The following CNTNAP2 variants were observed in gnomAD, a reference collection of about 807,000 sequenced individuals.
CNTNAP2 encodes contactin associated protein 2, also known as contactin-associated protein-like 2.
CNTNAP2 carries 98 observed loss-of-function variants against 155.2 expected under a neutral mutation model. The observed-to-expected ratio is 0.63, with a 90% CI of 0.54 to 0.75. The LOEUF (loss-of-function observed/expected upper bound fraction) is 0.75. CNTNAP2 is among the 30% of genes least tolerant of loss of function. The probability of loss-of-function intolerance (pLI) is 0.00; values close to 1 mark genes in which losing one functional copy is unlikely to be tolerated. For synonymous variants in CNTNAP2, 651 were observed against 631.2 expected (o/e 1.03, Z -0.47); for missense variants, 1,727 against 1,688.1 (o/e 1.02, Z -0.40).
intron 10 of CNTNAP2, among the ~76,000 whole-genome samples, chr7:147,419,819 T>C (rs1030234977): frequency 6.6e-6 from 1 of 152,196 alleles, no homozygotes; most frequent in African/African-American, 2.4e-5. Context: ...GTCTGCAGGA[T>C]GTATTCAGAC....
intron 21 of CNTNAP2, among the ~76,000 whole-genome samples, chr7:148,317,353 C>CT (rs1040813030): frequency 7.3e-6 from 1 of 137,696 alleles, no homozygotes; most frequent in South Asian, 2.4e-4. Context: ...GAAACTCCAT[C>CT]TCAAAAAAAA....
chr7:147,507,843 G>A (rs967278445), intron 11 of CNTNAP2, among the ~76,000 whole-genome samples: 4 of 151,968 alleles, frequency 2.6e-5, no homozygotes, highest in African/African-American at 7.2e-5. Flanking sequence ...GAGCCACCGC[G>A]CCTGGCCACT....
chr7:147,049,973 C>G (rs968579036), intron 4 of CNTNAP2, among the ~76,000 whole-genome samples: 2 of 152,144 alleles, frequency 1.3e-5, no homozygotes, highest in Admixed American at 6.6e-5. Context: ...TGCTCTGAAG[C>G]CTTTAGGGCT....
chr7:147,887,887 C>G (rs1331266997), intron 13 of CNTNAP2, among the ~76,000 whole-genome samples: 1 of 152,188 alleles, frequency 6.6e-6, no homozygotes, highest in Admixed American at 6.5e-5. Flanking sequence ...AAAGCCAGTT[C>G]TGATGCATGT....
chr7:146,233,053 G>A (rs1039943601), intron 1 of CNTNAP2, among the ~76,000 whole-genome samples: 1 of 152,052 alleles, frequency 6.6e-6, no homozygotes, highest in East Asian at 1.9e-4. Flanking sequence ...ACATGTTAGA[G>A]TATACAATCC....
At chr7:147,476,928 TTAAAAAA>T (rs1798333187) in intron 10 of CNTNAP2, among the ~76,000 whole-genome samples, 1 of 137,750 alleles carries the variant, frequency 7.3e-6, no homozygotes, top group Admixed American at 7.3e-5. Flanking sequence ...ACTCTGTCAT[TTAAAAAA>T]AAAAAAAAAA....
intron 22 of CNTNAP2, among the ~76,000 whole-genome samples, chr7:148,408,612 C>T (rs1799757027): frequency 6.6e-6 from 1 of 152,182 alleles, no homozygotes; most frequent in South Asian, 2.1e-4. Flanking sequence ...ACTAAGGTGA[C>T]CTGCTTCTGT....
intron 15 of CNTNAP2, among the ~76,000 whole-genome samples, chr7:148,020,517 A>G (rs972741006): frequency 6.6e-6 from 1 of 152,218 alleles, no homozygotes; most frequent in Admixed American, 6.5e-5. Flanking sequence ...CTGATAAATC[A>G]TCTTTGAGAA....
In CNTNAP2 at chr7:147,119,266, G is replaced by A. The variant is rs542826091; in HGVS notation, c.755-1713G>A. Among the ~76,000 whole-genome samples, 15 of 152,238 alleles carry A rather than the reference G, an allele frequency of 9.9e-5. No individual in the cohort carries two copies. The South Asian group carries it at 3.1e-3, about 32-fold the overall frequency. On this transcript the variant is annotated intron_variant, in intron 5 of 23. Transcript: ENST00000361727. ...AAAATCAACTGTGGCTTATAGCAGT[G>A]TGACATTACTGTTTTCAAAGAAGTA...
chr7:146,475,009 GCGCGCACACACACA>G lies in CNTNAP2; in HGVS notation c.98-299260_98-299247del, dbSNP rs1263207462. Among the ~76,000 whole-genome samples, 273 of 129,600 alleles carry G rather than the reference GCGCGCACACACACA, an allele frequency of 2.1e-3. 1 individual carries two copies. Among genetic ancestry groups the G allele is most frequent in the African/African-American group, 7.5e-3 (242 of 32,338 alleles). 85.0% of individuals were successfully genotyped at this position (129,600 alleles called of 152,430 possible). ...TGAGCACGAGCGCGCACGCGCGCGC[GCGCGCACACACACA>G]CACACACACACACACACGTACTTAC... On this transcript the variant is annotated intron_variant, in intron 1 of 23. Coordinates refer to ENST00000361727, the MANE Select transcript of CNTNAP2 (RefSeq NM_014141.6).
intron 3 of CNTNAP2, among the ~76,000 whole-genome samples, chr7:146,939,171 T>C (rs1285063284): frequency 6.6e-6 from 1 of 151,918 alleles, no homozygotes. Flanking sequence ...TGAGAAAAAA[T>C]GCATTTTTTC....
chr7:146,284,930 C>T (rs1584847838), intron 1 of CNTNAP2, among the ~76,000 whole-genome samples: 1 of 152,224 alleles, frequency 6.6e-6, no homozygotes, highest in African/African-American at 2.4e-5. Flanking sequence ...CTTGTGGTTT[C>T]ATCGCTTGCT....
chr7:147,573,769 G>A (rs1800339152), intron 12 of CNTNAP2, among the ~76,000 whole-genome samples: 1 of 152,112 alleles, frequency 6.6e-6, no homozygotes, highest in Admixed American at 6.5e-5. Flanking sequence ...CACCATGTCT[G>A]TGTTTATTTA....
chr7:147,512,006 C>T (rs78858432), intron 11 of CNTNAP2, among the ~76,000 whole-genome samples: 3,967 of 152,182 alleles, frequency 0.026, 155 homozygotes, highest in African/African-American at 0.091. Flanking sequence ...ATTACCTTGA[C>T]CAAAGCATAA....
intron 8 of CNTNAP2, among the ~76,000 whole-genome samples, chr7:147,226,653 A>G (rs1448265730): frequency 6.6e-6 from 1 of 152,166 alleles, no homozygotes; most frequent in Non-Finnish European, 1.5e-5. Flanking sequence ...ACTGTTTTAG[A>G]TCCTCCAACT....
At chr7:147,554,374 T>A (rs1584809424) in intron 11 of CNTNAP2, among the ~76,000 whole-genome samples, 1 of 129,646 alleles carries the variant, frequency 7.7e-6, no homozygotes, top group African/African-American at 3.2e-5. Flanking sequence ...GTATGGATTA[T>A]TTTTTTTTTT....
chr7:146,355,074 T>C (rs1794978077), intron 1 of CNTNAP2, among the ~76,000 whole-genome samples: 1 of 152,166 alleles, frequency 6.6e-6, no homozygotes, highest in African/African-American at 2.4e-5. Flanking sequence ...TAAAAATAAG[T>C]AAGGTAAAAA....
intron 13 of CNTNAP2, among the ~76,000 whole-genome samples, chr7:147,802,312 G>A (rs1444000735): frequency 2.7e-5 from 4 of 148,374 alleles, no homozygotes; most frequent in African/African-American, 1.0e-4. Flanking sequence ...AGGCAGAGGG[G>A]CTCCTCACAT....
intron 1 of CNTNAP2, among the ~76,000 whole-genome samples, chr7:146,649,595 G>A (rs1421080222): frequency 6.6e-6 from 1 of 152,078 alleles, no homozygotes; most frequent in African/African-American, 2.4e-5. Context: ...TGAATATTGT[G>A]TATGAATAAC....
Sources: allele counts gnomAD v4.1 joint callset (sites outside exome capture counted in the v4.1 genomes callset), GRCh38; gene constraint gnomAD v4.1.1; transcripts MANE v1.5; gene names NCBI Gene and HGNC (gene_info 2026-07-23, HGNC 2026-07-21).